The following ZNF578 variants were observed in gnomAD, a reference collection of about 807,000 sequenced individuals.
ZNF578 encodes the protein zinc finger protein 578, also known as Putative chemokine-related protein B42.
ZNF578 carries 8 observed loss-of-function variants against 8.3 expected under a neutral mutation model. That is an observed-to-expected ratio of 0.96 (90% CI 0.56 to 1.74). The LOEUF is 1.74. Among genes scored for constraint, ZNF578 ranks in the 40% most tolerant of loss-of-function variants. ZNF578 has a pLI of 0.00. For synonymous variants in ZNF578, 206 were observed against 232.2 expected (o/e 0.89, Z 1.03); for missense variants, 726 against 707.5 (o/e 1.03, Z -0.30).
chr19:52,509,193 G>A (rs1423367877), intron 5 of ZNF578, among the ~76,000 whole-genome samples: 4 of 151,958 alleles, frequency 2.6e-5, no homozygotes, highest in African/African-American at 9.7e-5. Context: ...GTGAGTCGTC[G>A]TGCCCAGCCG....
In ZNF578 at chr19:52,511,288, A is replaced by G; in HGVS notation, c.907A>G (p.Thr303Ala). Residue 303 changes from threonine to alanine, a missense_variant, in exon 6 of 6, where the codon ACA becomes GCA. By Grantham distance (58) the Thr-to-Ala change is moderately conservative. Transcript: ENST00000421239. ...GKSFSYKSSL[T>A]CHRRCHTGEK... is the part of the protein sequence containing the mutation. ...GTCCTTCAGTTACAAGTCATCCCTG[A>G]CATGCCATCGTAGATGTCACACTGG... 1.2e-6 allele frequency: 2 copies of G among 1,614,034 alleles called. No homozygotes were observed. The highest frequency in any genetic ancestry group is 2.2e-5 in the East Asian group (1 of 44,874).
intron 2 of ZNF578, among the ~76,000 whole-genome samples, chr19:52,483,346 C>G (rs1275488225): frequency 6.6e-6 from 1 of 152,102 alleles, no homozygotes; most frequent in East Asian, 1.9e-4. Context: ...ACCCGGGAAG[C>G]AAAGGTTGTG....
At chr19:52,472,637 G>A (rs970556) in intron 2 of ZNF578, among the ~76,000 whole-genome samples, 136,525 of 152,200 alleles carry the variant, frequency 0.9, 61,822 homozygotes, top group Non-Finnish European at 0.96. Flanking sequence ...TAAGGCCATG[G>A]CATGCTCTAT....
intron 2 of ZNF578, among the ~76,000 whole-genome samples, chr19:52,463,296 G>T (rs927925827): frequency 3.3e-5 from 5 of 152,182 alleles, no homozygotes; most frequent in African/African-American, 1.2e-4. Flanking sequence ...TTGGCAAGTA[G>T]CCCATATAAA....
chr19:52,485,676 C>G (rs959813689), intron 2 of ZNF578, among the ~76,000 whole-genome samples: 1 of 152,188 alleles, frequency 6.6e-6, no homozygotes, highest in Non-Finnish European at 1.5e-5. Context: ...TACCCCCAAC[C>G]CTGTGCTCCC....
At chr19:52,497,475 C>A (rs192783130) in intron 3 of ZNF578, among the ~76,000 whole-genome samples, 30 of 152,336 alleles carry the variant, frequency 2.0e-4, no homozygotes, top group Admixed American at 1.8e-3. Context: ...CCTGCCCTGG[C>A]CTCCCAAAGT....
chr19:52,507,126 G>A (rs889611836), intron 5 of ZNF578, among the ~76,000 whole-genome samples: 4 of 152,258 alleles, frequency 2.6e-5, no homozygotes, highest in African/African-American at 9.6e-5. Flanking sequence ...GATGGCTCAC[G>A]CCTATAATCC....
chr19:52,499,966 C>T (rs2633516), intron 3 of ZNF578, among the ~76,000 whole-genome samples: 2 of 152,160 alleles, frequency 1.3e-5, no homozygotes, highest in African/African-American at 2.4e-5. Context: ...GCCCCACGGG[C>T]CGCTTTCCTT....
intron 2 of ZNF578, among the ~76,000 whole-genome samples, chr19:52,465,698 T>C (rs532888969): frequency 1.2e-4 from 18 of 152,346 alleles, no homozygotes; most frequent in African/African-American, 3.8e-4. Context: ...CCTTATCAAC[T>C]TTTACCCCAC....
intron 2 of ZNF578, among the ~76,000 whole-genome samples, chr19:52,476,271 T>G (rs1264399451): frequency 2.0e-5 from 3 of 152,212 alleles, no homozygotes; most frequent in Non-Finnish European, 2.9e-5. Flanking sequence ...TTTTTTGAGA[T>G]AACAAACACT....
chr19:52,496,334 T>TTATTTATTTATTTATTTATC, intron 3 of ZNF578, among the ~76,000 whole-genome samples: 1 of 149,126 alleles, frequency 6.7e-6, no homozygotes, highest in Admixed American at 6.7e-5. Flanking sequence ...TGTTATTTAT[T>TTATTTATTTATTTATTTATC]TATTTATTTA....
intron 5 of ZNF578, among the ~76,000 whole-genome samples, chr19:52,506,616 C>A (rs1253644047): frequency 6.6e-6 from 1 of 152,106 alleles, no homozygotes; most frequent in Non-Finnish European, 1.5e-5. Flanking sequence ...CAGATGTTCA[C>A]CACCATGCCC....
At chr19:52,510,501 A>G (rs1194220798) in intron 5 of ZNF578, 71 bp from the exon 6 acceptor site, 2 of 1,410,784 alleles carry the variant, frequency 1.4e-6, no homozygotes, top group Non-Finnish European at 1.9e-6. Flanking sequence ...TTATTGTGTC[A>G]TATTTACACA....
Position 52,504,720 on chromosome 19 carries a change from T to C in ZNF578, c.129T>C (p.Pro43=). The part of the protein sequence containing the change: ...FSLAEWKFLN[P]AQRALYREVM... Reference sequence around the variant, plus strand: ...TGGCAGAGTGGAAATTCCTGAACCCTGCGCAGAGGGCTTTGTACAGGGAAG... The same window carrying C: ...TGGCAGAGTGGAAATTCCTGAACCCCGCGCAGAGGGCTTTGTACAGGGAAG... The change falls in exon 5 of 6, where the codon CCT becomes CCC. Residue 43 remains proline, a synonymous_variant. Coordinates refer to ENST00000421239, the MANE Select transcript of ZNF578 (RefSeq NM_001099694.2). 6.2e-7 allele frequency: 1 copy of C among 1,614,128 alleles called. No homozygotes were observed. The highest frequency in any genetic ancestry group is 8.5e-7 in the Non-Finnish European group (1 of 1,180,020).
Position 52,515,113 on chromosome 19 carries a change from T to C in ZNF578, c.*2959T>C, listed in dbSNP as rs1413903421. 2.6e-5 allele frequency among the ~76,000 whole-genome samples: 4 copies of C among 151,528 alleles called. No individual in the cohort carries two copies. The highest frequency in any genetic ancestry group is 6.6e-5 in the Admixed American group (1 of 15,166). On this transcript the variant is annotated 3_prime_UTR_variant, in exon 6 of 6. Transcript: ENST00000421239. ...TGAGTAGTTGGGATTACAGGTGCCC[T>C]CCACCACTCCCGGCTCATTTTTTGC...
In ZNF578 at chr19:52,513,550, G is replaced by A. The variant is rs912756444; in HGVS notation, c.*1396G>A. 1.6e-4 allele frequency among the ~76,000 whole-genome samples: 24 copies of A among 151,716 alleles called. No individual in the cohort carries two copies. Among genetic ancestry groups the A allele is most frequent in the African/African-American group, 5.1e-4 (21 of 41,406 alleles). ...TTGAGACCGTCCTGGCTAACACGGT[G>A]AAACCTCGTCTCTACTAAAAATACA... On this transcript the variant is annotated 3_prime_UTR_variant, in exon 6 of 6. Coordinates refer to ENST00000421239, the MANE Select transcript of ZNF578 (RefSeq NM_001099694.2).
At chr19:52,461,303 G>T (rs1021526479) in intron 2 of ZNF578, among the ~76,000 whole-genome samples, 2 of 152,152 alleles carry the variant, frequency 1.3e-5, no homozygotes, top group Non-Finnish European at 2.9e-5. Flanking sequence ...TGCAATAGAT[G>T]CTCTAAGCTC....
At chr19:52,459,075 A>G (rs1434842155) in intron 2 of ZNF578, among the ~76,000 whole-genome samples, 2 of 152,190 alleles carry the variant, frequency 1.3e-5, no homozygotes, top group Non-Finnish European at 2.9e-5. Flanking sequence ...GTGTCACCAC[A>G]TCTGCTAATA....
At position 52,504,778 on chromosome 19, in the gene ZNF578, G is replaced by A. The variant is rs1830411563; in HGVS notation, c.187G>A (p.Val63Met). 2 of 1,614,148 alleles carry A rather than the reference G, an allele frequency of 1.2e-6. No homozygotes were observed. The highest frequency in any genetic ancestry group is 1.7e-6 in the Non-Finnish European group (2 of 1,180,008). ...MLENYRNLEA[V>M]DISSKRMMKE... The stretch of plus-strand genomic sequence containing the variant: ...GGAGAACTACAGGAACCTGGAGGCT[G>A]TGGGTGAGGAAAATGTCCCTGCAGA... The change falls in exon 5 of 6, where the codon GTG becomes ATG. Residue 63 changes from valine (V) to methionine (M), a missense_variant. Transcript: ENST00000421239.
Sources: allele counts gnomAD v4.1 joint callset (sites outside exome capture counted in the v4.1 genomes callset), GRCh38; gene constraint gnomAD v4.1.1; transcripts MANE v1.5; gene names NCBI Gene and HGNC (gene_info 2026-07-23, HGNC 2026-07-21).